Variants in UQCRH observed in about 807,000 individuals in gnomAD.
UQCRH encodes cytochrome b-c1 complex subunit 6, mitochondrial.
Under a neutral mutation model 16.3 loss-of-function variants are expected in UQCRH, and 14 were observed. The ratio of observed to expected loss-of-function variants is 0.86; its 90% CI spans 0.57 to 1.34. The LOEUF (loss-of-function observed/expected upper bound fraction) is 1.34, where lower values mean the gene tolerates loss of function less well. Ranked by LOEUF, UQCRH falls within the 40% of genes most tolerant of loss-of-function variation. UQCRH has a pLI of 0.00. For synonymous variants in UQCRH, 41 were observed against 41.9 expected, an observed-to-expected ratio of 0.98 and a Z score of 0.08; for missense variants, 89 against 111.9, an observed-to-expected ratio of 0.80 and a Z score of 0.92.
chr1:46,303,932 A>G lies in UQCRH; in HGVS notation c.54+112A>G, dbSNP rs1371355992. 2.1e-6 allele frequency: 3 copies of G among 1,415,744 alleles called. No individual in the cohort carries two copies. In the African/African-American group the frequency reaches 4.2e-5, roughly 20 times the overall value. 87.7% of individuals were successfully genotyped at this position (1,415,744 alleles called of 1,614,324 possible). ...CCCCAGTTTACCCTCTAGGGTTTGC[A>G]TAGTCGGGAGCTCTAGTTCCCTCGA... On this transcript the variant is annotated intron_variant, in intron 1 of 3. Coordinates refer to ENST00000311672, the MANE Select transcript of UQCRH (RefSeq NM_006004.4).
intron 3 of UQCRH, 70 bp downstream of exon 3, chr1:46,310,386 T>A: frequency 6.2e-7 from 1 of 1,604,318 alleles, no homozygotes; most frequent in Non-Finnish European, 8.5e-7. Flanking sequence ...CAACAATCTT[T>A]CCATGCTAGG....
intron 1 of UQCRH, 96 bp from the exon 2 acceptor site, chr1:46,309,005 A>G (rs1366654686): frequency 2.2e-6 from 3 of 1,338,212 alleles, no homozygotes; most frequent in Non-Finnish European, 3.2e-6. Flanking sequence ...CATCGTTAAT[A>G]GTGTCAGTGT....
intron 3 of UQCRH, among the ~76,000 whole-genome samples, chr1:46,311,020 A>G (rs1180623875): frequency 4.0e-5 from 6 of 149,888 alleles, no homozygotes; most frequent in African/African-American, 1.5e-4. Flanking sequence ...GTGAGCCGAG[A>G]TTGCGCCACT....
chr1:46,305,298 CAAAAAAAA>C (rs11444271), intron 1 of UQCRH, among the ~76,000 whole-genome samples: 1 of 65,006 alleles, frequency 1.5e-5, no homozygotes, highest in African/African-American at 6.7e-5. Context: ...GACCCTGTCT[CAAAAAAAA>C]AAAAAAAAAA....
At chr1:46,309,864 T>C in intron 2 of UQCRH, 1 of 1,343,924 alleles carries the variant, frequency 7.4e-7, no homozygotes, top group Non-Finnish European at 9.6e-7. Flanking sequence ...ACTTCAAGTT[T>C]GGCCAGGTTT....
chr1:46,311,889 A>G (rs1039935334), intron 3 of UQCRH, among the ~76,000 whole-genome samples: 2 of 149,088 alleles, frequency 1.3e-5, no homozygotes, highest in African/African-American at 4.9e-5. Context: ...TCAGCCTTCC[A>G]AAGTTCTGGG....
intron 3 of UQCRH, among the ~76,000 whole-genome samples, chr1:46,312,946 G>A (rs146910916): frequency 6.6e-6 from 1 of 152,138 alleles, no homozygotes; most frequent in Non-Finnish European, 1.5e-5. Flanking sequence ...AGAAGATAAC[G>A]AGTGTTGACG....
intron 3 of UQCRH, among the ~76,000 whole-genome samples, chr1:46,313,833 C>T (rs1001832453): frequency 7.3e-5 from 11 of 150,908 alleles, no homozygotes; most frequent in Non-Finnish European, 1.2e-4. Context: ...AGACTGAGAC[C>T]CTGTCTCAAA....
chr1:46,312,213 A>C (rs558836984), intron 3 of UQCRH, among the ~76,000 whole-genome samples: 7 of 151,892 alleles, frequency 4.6e-5, no homozygotes, highest in East Asian at 1.9e-4. Context: ...TTCCTGCTTC[A>C]GCCTCCCAAG....
chr1:46,314,673 C>CAA (rs200199978), intron 3 of UQCRH, among the ~76,000 whole-genome samples: 24 of 59,088 alleles, frequency 4.1e-4, no homozygotes, highest in African/African-American at 1.0e-3. Context: ...AACTCCGTCT[C>CAA]AAAAAAAAAA....
chr1:46,311,074 C>CAA lies in UQCRH; in HGVS notation c.243+772_243+773dup, dbSNP rs1196243713. ...TGGGCGACAGAGCGAGACTCCATCT[C>CAA]AAAAAAAAAAAAAAATAATAATAAT... On this transcript the variant is annotated intron_variant, in intron 3 of 3. Transcript: ENST00000311672. Among the ~76,000 whole-genome samples the CAA allele has an allele frequency of 6.9e-5, 10 of 144,938 alleles. No homozygotes were observed. In the South Asian group the frequency reaches 8.8e-4, roughly 13 times the overall value.
chr1:46,305,298 C>CAAAAAAAAAAAAAAAAAAA (rs11444271), intron 1 of UQCRH, among the ~76,000 whole-genome samples: 1 of 65,006 alleles, frequency 1.5e-5, no homozygotes, highest in Non-Finnish European at 2.8e-5. Flanking sequence ...GACCCTGTCT[C>CAAAAAAAAAAAAAAAAAAA]AAAAAAAAAA....
intron 1 of UQCRH, among the ~76,000 whole-genome samples, chr1:46,306,833 C>T (rs1661385414): frequency 6.6e-6 from 1 of 152,174 alleles, no homozygotes; most frequent in African/African-American, 2.4e-5. Flanking sequence ...TCACTCCCAG[C>T]TTGTATGAGC....
chr1:46,316,590 T>TG lies in UQCRH; in HGVS notation c.*8dup. On this transcript the variant is annotated 3_prime_UTR_variant, in exon 4 of 4. Transcript: ENST00000311672. ...TCTTTAACAACTTGAAATAAATGTG[T>TG]GGACTTAATTCACCCCAGTCTTCAT... 6.2e-7 allele frequency: 1 copy of TG among 1,612,728 alleles called. No individual in the cohort carries two copies. The highest frequency in any genetic ancestry group is 1.1e-5 in the South Asian group (1 of 90,978).
chr1:46,309,303 T>C, intron 2 of UQCRH, 176 bp downstream of exon 2: 1 of 706,432 alleles, frequency 1.4e-6, no homozygotes, highest in Non-Finnish European at 2.3e-6. Context: ...GGAAGCTGAG[T>C]CTGTTCTGGG....
Position 46,316,568 on chromosome 1 carries a change from T to G in UQCRH, c.260T>G (p.Phe87Cys), listed in dbSNP as rs1172338151. The change falls in exon 4 of 4, where the codon TTT becomes TGT. Residue 87 changes from phenylalanine to cysteine, a missense_variant. Physicochemically the swap from Phe to Cys is radical, Grantham distance 205 (BLOSUM62 -2). Transcript: ENST00000311672. The part of the protein sequence containing the change: ...ARDHCVAHKL[F>C]NNLK ...CCCATCTAGGTGGCCCACAAACTCT[T>G]TAACAACTTGAAATAAATGTGTGGA... The G allele has an allele frequency of 6.2e-7, 1 of 1,613,254 alleles. No homozygotes were observed. Among genetic ancestry groups the G allele is most frequent in the Admixed American group, 1.7e-5 (1 of 59,934 alleles).
intron 2 of UQCRH, 181 bp from the exon 3 acceptor site, chr1:46,309,974 A>G: frequency 6.8e-7 from 1 of 1,467,988 alleles, no homozygotes; most frequent in Non-Finnish European, 9.0e-7. Flanking sequence ...ACTTAGCATC[A>G]GAATTGAATG....
At chr1:46,315,876 C>A (rs1661574221) in intron 3 of UQCRH, among the ~76,000 whole-genome samples, 1 of 152,086 alleles carries the variant, frequency 6.6e-6, no homozygotes, top group African/African-American at 2.4e-5. Flanking sequence ...ACTGTGTGGT[C>A]ATTCTAAAAA....
intron 1 of UQCRH, among the ~76,000 whole-genome samples, chr1:46,305,337 G>C (rs1355968000): frequency 1.3e-5 from 2 of 150,256 alleles, no homozygotes; most frequent in Admixed American, 1.3e-4. Flanking sequence ...GAAAGAAATG[G>C]AGCCTGCCTC....
Sources: allele counts gnomAD v4.1 joint callset (sites outside exome capture counted in the v4.1 genomes callset), GRCh38; gene constraint gnomAD v4.1.1; transcripts MANE v1.5; gene names NCBI Gene and HGNC (gene_info 2026-07-23, HGNC 2026-07-21).